The following KCTD16 variants were observed in gnomAD, a reference collection of about 807,000 sequenced individuals.
The protein encoded by KCTD16 is BTB/POZ domain-containing protein KCTD16.
KCTD16 carries 13 observed loss-of-function variants against 33.2 expected under a neutral mutation model. The ratio of observed to expected loss-of-function variants is 0.39; its 90% CI spans 0.25 to 0.62. The LOEUF is 0.62. Ranked by LOEUF, KCTD16 falls within the 20% of genes least tolerant of loss-of-function variation. The probability of loss-of-function intolerance (pLI) is 0.50; values close to 1 mark genes in which losing one functional copy is unlikely to be tolerated. For missense variants in KCTD16, 441 were observed against 525.1 expected (o/e 0.84, Z 1.57); for synonymous variants, 197 against 195.3 (o/e 1.01, Z -0.07).
At chr5:144,366,590 A>G (rs1230926921) in intron 3 of KCTD16, among the ~76,000 whole-genome samples, 2 of 152,294 alleles carry the variant, frequency 1.3e-5, no homozygotes, top group East Asian at 3.9e-4. Context: ...ATGAAGCTTC[A>G]AGATGCTGCT....
Position 144,473,863 on chromosome 5 carries a change from A to G in KCTD16, c.1036A>G (p.Ile346Val), listed in dbSNP as rs1347525310. 6.2e-7 allele frequency: 1 copy of G among 1,614,004 alleles called. No homozygotes were observed. Among genetic ancestry groups the G allele is most frequent in the Non-Finnish European group, 8.5e-7 (1 of 1,180,016 alleles). Residue 346 changes from isoleucine to valine, a missense_variant, in exon 4 of 4, where the codon ATC becomes GTC. This residue lies in a region of KCTD16 where 355 missense variants were observed against 413.0 expected (regional missense o/e 0.86). Transcript: ENST00000512467. ...CAACATCCAGACTCTGGACCGTCCCATCAAGAAGGGCCCTGTCCAGCTGAT... is the reference window on the plus strand; with the variant it reads ...CAACATCCAGACTCTGGACCGTCCCGTCAAGAAGGGCCCTGTCCAGCTGAT... ...QTNIQTLDRP[I>V]KKGPVQLIQQ... is the part of the protein sequence containing the mutation.
Position 144,206,656 on chromosome 5 carries a change from C to A in KCTD16, c.-59C>A. ...TTACAAGTTGATCCAAAGGATAAGG[C>A]TGTGACTCCATTGGATTGCACCTTT... is the stretch of plus-strand genomic sequence containing the variant. On this transcript the variant is annotated 5_prime_UTR_variant, in exon 3 of 4. In the 5' UTR this introduces an upstream ATG that the reference lacks. Coordinates refer to ENST00000512467, the MANE Select transcript of KCTD16 (RefSeq NM_020768.4). 7.2e-7 allele frequency: 1 copy of A among 1,390,934 alleles called. No individual in the cohort carries two copies. The highest frequency in any genetic ancestry group is 1.9e-5 in the Admixed American group (1 of 53,142). 86.2% of individuals were successfully genotyped at this position (1,390,934 alleles called of 1,614,324 possible).
At chr5:144,345,042 C>A (rs1752753390) in intron 3 of KCTD16, among the ~76,000 whole-genome samples, 1 of 151,900 alleles carries the variant, frequency 6.6e-6, no homozygotes, top group South Asian at 2.1e-4. Flanking sequence ...ATGATGAGTT[C>A]ATGTCCTTTG....
At chr5:144,456,259 A>G (rs889405383) in intron 3 of KCTD16, among the ~76,000 whole-genome samples, 4 of 152,160 alleles carry the variant, frequency 2.6e-5, no homozygotes, top group Non-Finnish European at 5.9e-5. Flanking sequence ...GGATAGAATG[A>G]GAATAGTGTA....
chr5:144,328,435 C>T (rs1752265248), intron 3 of KCTD16, among the ~76,000 whole-genome samples: 1 of 152,148 alleles, frequency 6.6e-6, no homozygotes, highest in Admixed American at 6.6e-5. Context: ...AGGCCTTCCC[C>T]TGAGACTAGC....
chr5:144,191,349 T>C (rs1752837522), intron 2 of KCTD16, among the ~76,000 whole-genome samples: 2 of 152,202 alleles, frequency 1.3e-5, no homozygotes, highest in Admixed American at 6.5e-5. Context: ...CAGAATTAAG[T>C]TCAAACTCCT....
chr5:144,432,196 T>C (rs1468913510), intron 3 of KCTD16, among the ~76,000 whole-genome samples: 1 of 152,050 alleles, frequency 6.6e-6, no homozygotes, highest in African/African-American at 2.4e-5. Flanking sequence ...CAATATTATC[T>C]TTTTTCCTTT....
At chr5:144,406,675 C>T (rs77659770) in intron 3 of KCTD16, among the ~76,000 whole-genome samples, 220 of 152,240 alleles carry the variant, frequency 1.4e-3, no homozygotes, top group African/African-American at 5.1e-3. Flanking sequence ...CCTTGGCCAA[C>T]GGCACTCATT....
At chr5:144,188,791 T>C (rs1366896410) in intron 2 of KCTD16, among the ~76,000 whole-genome samples, 1 of 152,162 alleles carries the variant, frequency 6.6e-6, no homozygotes, top group Non-Finnish European at 1.5e-5. Context: ...AAATGGGGCA[T>C]TGTAATATTC....
chr5:144,449,628 C>T (rs1753897134), intron 3 of KCTD16, among the ~76,000 whole-genome samples: 1 of 151,908 alleles, frequency 6.6e-6, no homozygotes. Flanking sequence ...TAGTATGATA[C>T]TTGCATAAAG....
chr5:144,368,315 A>T (rs1473351982), intron 3 of KCTD16, among the ~76,000 whole-genome samples: 3 of 152,194 alleles, frequency 2.0e-5, no homozygotes, highest in African/African-American at 7.2e-5. Flanking sequence ...CAGCATAATT[A>T]CATAAGCCCT....
At chr5:144,473,063 G>A (rs568755114) in intron 3 of KCTD16, among the ~76,000 whole-genome samples, 13 of 152,156 alleles carry the variant, frequency 8.5e-5, no homozygotes, top group Non-Finnish European at 1.6e-4. Flanking sequence ...CAGAGTTTTT[G>A]TTAAGAACCA....
At chr5:144,218,529 C>T (rs963889030) in intron 3 of KCTD16, among the ~76,000 whole-genome samples, 22 of 151,990 alleles carry the variant, frequency 1.4e-4, no homozygotes, top group African/African-American at 5.3e-4. Flanking sequence ...AATAGTTATG[C>T]CAAGAACCAA....
chr5:144,383,948 A>G (rs957407819), intron 3 of KCTD16, among the ~76,000 whole-genome samples: 1 of 152,214 alleles, frequency 6.6e-6, no homozygotes, highest in African/African-American at 2.4e-5. Context: ...AGTTGTAGAC[A>G]TCTTTTTGAT....
At chr5:144,316,429 G>A (rs2126881215) in intron 3 of KCTD16, among the ~76,000 whole-genome samples, 1 of 152,070 alleles carries the variant, frequency 6.6e-6, no homozygotes, top group East Asian at 1.9e-4. Flanking sequence ...CTATGCCTCA[G>A]CGGTATCTAA....
intron 3 of KCTD16, among the ~76,000 whole-genome samples, chr5:144,460,359 C>T (rs1291617796): frequency 2.0e-5 from 3 of 152,160 alleles, no homozygotes; most frequent in African/African-American, 7.2e-5. Flanking sequence ...TGAACATTAT[C>T]TATTAACTGC....
intron 3 of KCTD16, among the ~76,000 whole-genome samples, chr5:144,335,285 A>G (rs1410001802): frequency 6.6e-6 from 1 of 152,240 alleles, no homozygotes; most frequent in Non-Finnish European, 1.5e-5. Flanking sequence ...AAGTGAGGGT[A>G]TAAGAAGAAG....
chr5:144,480,782 A>T lies in KCTD16; in HGVS notation c.*6668A>T, dbSNP rs1754690175. On this transcript the variant is annotated 3_prime_UTR_variant, in exon 4 of 4. Transcript: ENST00000512467. The stretch of plus-strand genomic sequence containing the variant: ...GGAAAGCCCTCCATAACAAAAAGTT[A>T]TCCAGCCCACAATGTCAATAGTGCT... 4 of 151,998 alleles carry T rather than the reference A, an allele frequency of 2.6e-5. No homozygotes were observed. Among genetic ancestry groups the T allele is most frequent in the Admixed American group, 2.6e-4 (4 of 15,226 alleles). The allele number at this position is 151,998 out of a possible 1,614,324, so 9.4% of individuals were successfully genotyped here. A position where few individuals can be genotyped will look rare whatever the true frequency, so the allele number is the denominator to read the frequency against.
intron 3 of KCTD16, among the ~76,000 whole-genome samples, chr5:144,385,499 T>C (rs1752304264): frequency 6.6e-6 from 1 of 152,204 alleles, no homozygotes; most frequent in Non-Finnish European, 1.5e-5. Flanking sequence ...GGACCAAATA[T>C]GGACCATATT....
Sources: allele counts gnomAD v4.1 joint callset (sites outside exome capture counted in the v4.1 genomes callset), GRCh38; gene constraint gnomAD v4.1.1; regional missense constraint gnomAD v4.1.1; transcripts MANE v1.5; gene names NCBI Gene and HGNC (gene_info 2026-07-23, HGNC 2026-07-21).